ZNF644: variants seen among roughly 807,000 people sequenced by gnomAD.
ZNF644 encodes the protein zinc finger motif enhancer binding protein 2.
Under a neutral mutation model 108.0 loss-of-function variants are expected in ZNF644, and 20 were observed. That is an observed-to-expected ratio of 0.19 (90% confidence interval 0.13 to 0.27). The LOEUF (loss-of-function observed/expected upper bound fraction) is 0.27, where lower values mean the gene tolerates loss of function less well. ZNF644 is among the 10% of genes least tolerant of loss of function. ZNF644 has a pLI of 1.00. For missense variants in ZNF644, 1,338 were observed against 1,548.9 expected (o/e 0.86, Z 2.29); for synonymous variants, 542 against 539.1 (o/e 1.01, Z -0.08).
intron 4 of ZNF644, among the ~76,000 whole-genome samples, chr1:90,933,267 C>T (rs1188948): frequency 0.11 from 17,360 of 152,102 alleles, 1,050 homozygotes; most frequent in South Asian, 0.16. Flanking sequence ...GGAACATTAA[C>T]TCCTCTAAAG....
chr1:90,930,034 C>G (rs1433865034), intron 4 of ZNF644, among the ~76,000 whole-genome samples: 2 of 152,196 alleles, frequency 1.3e-5, no homozygotes, highest in African/African-American at 2.4e-5. Flanking sequence ...CGCCTGTAAT[C>G]CCAGCACTTT....
chr1:90,968,443 T>C (rs1182772050), intron 2 of ZNF644, among the ~76,000 whole-genome samples: 1 of 152,168 alleles, frequency 6.6e-6, no homozygotes, highest in East Asian at 1.9e-4. Context: ...GGGGGGAGCC[T>C]CTCATTTTAA....
chr1:90,999,944 C>G (rs1285875900), intron 1 of ZNF644, among the ~76,000 whole-genome samples: 3 of 152,122 alleles, frequency 2.0e-5, no homozygotes, highest in African/African-American at 7.2e-5. Context: ...ACAAAGAAGG[C>G]CATTACATAA....
chr1:90,918,235 G>C (rs922972999), intron 4 of ZNF644, 81 bp from the exon 5 acceptor site: 1 of 1,148,452 alleles, frequency 8.7e-7, no homozygotes, highest in Non-Finnish European at 1.3e-6. Context: ...AGAGAGGTCA[G>C]ACAGACCATC....
chr1:90,973,539 A>T (rs891076853), intron 2 of ZNF644, among the ~76,000 whole-genome samples: 4 of 152,162 alleles, frequency 2.6e-5, no homozygotes, highest in African/African-American at 9.7e-5. Context: ...GCAGATAGTA[A>T]GCACTATATA....
At chr1:90,978,687 C>T (rs1326499916) in intron 2 of ZNF644, among the ~76,000 whole-genome samples, 1 of 152,120 alleles carries the variant, frequency 6.6e-6, no homozygotes, top group Non-Finnish European at 1.5e-5. Flanking sequence ...GAAGACTCTG[C>T]AACGGAGGTA....
chr1:90,966,442 G>A (rs1654896619), intron 2 of ZNF644, among the ~76,000 whole-genome samples: 1 of 152,008 alleles, frequency 6.6e-6, no homozygotes. Context: ...ATAGGTTAAG[G>A]TCTAAATTAA....
intron 1 of ZNF644, among the ~76,000 whole-genome samples, chr1:91,017,886 T>G (rs1311241016): frequency 6.6e-6 from 1 of 152,034 alleles, no homozygotes; most frequent in African/African-American, 2.4e-5. Flanking sequence ...CACTTGAACC[T>G]GAGAGGCAGA....
At chr1:90,993,781 T>C (rs1275744168) in intron 1 of ZNF644, among the ~76,000 whole-genome samples, 1 of 152,228 alleles carries the variant, frequency 6.6e-6, no homozygotes. Context: ...CATTCAATTA[T>C]AATTTTTTTG....
At chr1:90,931,370 CA>C (rs34562144) in intron 4 of ZNF644, among the ~76,000 whole-genome samples, 98,118 of 139,234 alleles carry the variant, frequency 0.7, 34,265 homozygotes, top group Non-Finnish European at 0.78. Flanking sequence ...AACAAAATCT[CA>C]AAAAAAAAAA....
chr1:90,991,524 T>G (rs886356777), intron 1 of ZNF644, among the ~76,000 whole-genome samples: 3 of 152,178 alleles, frequency 2.0e-5, no homozygotes, highest in South Asian at 2.1e-4. Flanking sequence ...ACTGGGTAAT[T>G]TATGAAGAAA....
In ZNF644 at chr1:90,941,258, G is replaced by GT. The variant is rs776021925; in HGVS notation, c.95dup (p.Asn32LysfsTer8). 4.4e-6 allele frequency: 7 copies of GT among 1,600,034 alleles called. No individual in the cohort carries two copies. The Admixed American group carries it at 1.2e-4, about 28-fold the overall frequency. On this transcript the variant is annotated frameshift_variant, in exon 3 of 6. Coordinates refer to ENST00000337393, the MANE Select transcript of ZNF644 (RefSeq NM_201269.3). LOFTEE classifies it high-confidence loss of function. ...CTTCTTTAGCACCAGTAATATCGGT[G>GT]TTTATCTTCAAATCATCCATATTGT...
chr1:90,925,983 G>A (rs913044575), intron 4 of ZNF644, among the ~76,000 whole-genome samples: 5 of 151,944 alleles, frequency 3.3e-5, no homozygotes, highest in Non-Finnish European at 5.9e-5. Context: ...AGCAAGTCTC[G>A]TTAGGTCCCC....
At chr1:90,999,641 A>G (rs1658549041) in intron 1 of ZNF644, among the ~76,000 whole-genome samples, 1 of 152,206 alleles carries the variant, frequency 6.6e-6, no homozygotes, top group African/African-American at 2.4e-5. Context: ...AATGAGCAAA[A>G]TAACCAGCTA....
Position 90,982,342 on chromosome 1 carries a change from G to C in ZNF644, c.12C>G (p.Phe4Leu). The part of the protein sequence containing the change: MRS[F>L]LQQDVNKTKS... ...TTGTCTTATTAACATCTTGCTGCAAGAACGATCTCATCCAAAATTAAATCA... is the reference window on the plus strand; with the variant it reads ...TTGTCTTATTAACATCTTGCTGCAACAACGATCTCATCCAAAATTAAATCA... Residue 4 changes from phenylalanine (F) to leucine (L), a missense_variant, in exon 2 of 6, where the codon TTC becomes TTG. Coordinates refer to ENST00000337393, the MANE Select transcript of ZNF644 (RefSeq NM_201269.3). 1 of 1,610,716 alleles carries C rather than the reference G, an allele frequency of 6.2e-7. No individual in the cohort carries two copies. Among genetic ancestry groups the C allele is most frequent in the Non-Finnish European group, 8.5e-7 (1 of 1,179,152 alleles).
chr1:90,988,829 T>G (rs2101569975), intron 1 of ZNF644, among the ~76,000 whole-genome samples: 1 of 152,100 alleles, frequency 6.6e-6, no homozygotes. Context: ...AAATCCAATA[T>G]CCACGTGAAA....
intron 4 of ZNF644, among the ~76,000 whole-genome samples, chr1:90,922,329 TAAGAGGCACA>T (rs771679796): frequency 6.6e-6 from 1 of 152,158 alleles, no homozygotes; most frequent in Non-Finnish European, 1.5e-5. Context: ...ATACCCAAAG[TAAGAGGCACA>T]GTATACCCCT....
At chr1:90,943,556 A>T (rs962060538) in intron 2 of ZNF644, among the ~76,000 whole-genome samples, 3 of 152,224 alleles carry the variant, frequency 2.0e-5, no homozygotes, top group African/African-American at 7.2e-5. Context: ...ATTTAATACA[A>T]CAAATACCTA....
chr1:91,000,586 G>C (rs1195255493), intron 1 of ZNF644, among the ~76,000 whole-genome samples: 2 of 152,092 alleles, frequency 1.3e-5, no homozygotes, highest in African/African-American at 4.8e-5. Context: ...AGAGGAAGCA[G>C]GAAAGATCTA....
Sources: allele counts gnomAD v4.1 joint callset (sites outside exome capture counted in the v4.1 genomes callset), GRCh38; gene constraint gnomAD v4.1.1; transcripts MANE v1.5; gene names NCBI Gene and HGNC (gene_info 2026-07-23, HGNC 2026-07-21).